ANKH: variants seen among roughly 807,000 people sequenced by gnomAD.
ANKH encodes the protein ANKH inorganic pyrophosphate transport regulator.
A neutral mutation model predicts 49.0 loss-of-function variants in ANKH; 15 were observed. The ratio of observed to expected loss-of-function variants is 0.31; its 90% CI spans 0.20 to 0.47. The LOEUF is 0.47. Ranked by LOEUF, ANKH falls within the 20% of genes least tolerant of loss-of-function variation. The probability of loss-of-function intolerance (pLI) is 1.00; values close to 1 mark genes in which losing one functional copy is unlikely to be tolerated. For missense variants in ANKH, 429 were observed against 652.0 expected, an observed-to-expected ratio of 0.66 and a Z score of 3.72; for synonymous variants, 273 against 260.0, an observed-to-expected ratio of 1.05 and a Z score of -0.48.
intron 1 of ANKH, among the ~76,000 whole-genome samples, chr5:14,847,439 T>C (rs959232289): frequency 6.6e-6 from 1 of 152,170 alleles, no homozygotes; most frequent in African/African-American, 2.4e-5. Flanking sequence ...GGAACCTGCA[T>C]GTTGCAGCAA....
At position 14,722,286 on chromosome 5, in the gene ANKH, G is replaced by A. The variant is rs545259071; in HGVS notation, c.1012-5451C>T. 3.3e-4 allele frequency among the ~76,000 whole-genome samples: 50 copies of A among 152,240 alleles called. 1 individual carries two copies. Among genetic ancestry groups the A allele is most frequent in the Admixed American group, 3.9e-4 (6 of 15,290 alleles). ...AATCTCCCACCAATGAACAAGAGTC[G>A]TTCCTCTGAGCAGCTGCAGAGGTGG... On this transcript the variant is annotated intron_variant, in intron 8 of 11. Coordinates refer to ENST00000284268, the MANE Select transcript of ANKH (RefSeq NM_054027.6).
intron 1 of ANKH, among the ~76,000 whole-genome samples, chr5:14,809,335 T>TAAAAAAAAAAAAAAAAAAAAAA (rs36119317): frequency 4.9e-5 from 4 of 80,858 alleles, no homozygotes; most frequent in Non-Finnish European, 7.1e-5. Flanking sequence ...TAGAGTATAA[T>TAAAAAAAAAAAAAAAAAAAAAA]AAAAAAAAAA....
intron 1 of ANKH, 21 bp downstream of exon 1, chr5:14,871,331 G>T (rs1385875632): frequency 4.4e-6 from 7 of 1,608,104 alleles, no homozygotes; most frequent in Non-Finnish European, 5.1e-6. Flanking sequence ...AGCGGGCGTG[G>T]GGCGCGGGGC....
chr5:14,707,371 T>C lies in ANKH; in HGVS notation c.*3826A>G, dbSNP rs1376930986. 1.3e-5 allele frequency: 2 copies of C among 151,990 alleles called. No homozygotes were observed. Among genetic ancestry groups the C allele is most frequent in the African/African-American group, 2.4e-5 (1 of 41,374 alleles). The allele number at this position is 151,990 out of a possible 1,614,324, so 9.4% of individuals were successfully genotyped here. On this transcript the variant is annotated 3_prime_UTR_variant, in exon 12 of 12. Transcript: ENST00000284268. Reference sequence around the variant, plus strand: ...GAAACCAAGGATATAGAAAAGTTACTCTCCCCCTGCCCCTTCCCTCCAGAA... The same window carrying C: ...GAAACCAAGGATATAGAAAAGTTACCCTCCCCCTGCCCCTTCCCTCCAGAA...
chr5:14,745,116 G>GC lies in ANKH; in HGVS notation c.915+753dup, dbSNP rs1302455178. Among the ~76,000 whole-genome samples the GC allele has an allele frequency of 1.3e-5, 2 of 152,218 alleles. No individual in the cohort carries two copies. ...TGCAGACATTCAAGGCACAACAGGT[G>GC]CCCTTCACGGTAAGAAGTAGCAGTC... On this transcript the variant is annotated intron_variant, in intron 7 of 11. Transcript: ENST00000284268. The surrounding 1 kb of genome is among the most constrained non-coding windows in gnomAD (Gnocchi z 4.7).
chr5:14,756,757 A>T (rs1049774472), intron 3 of ANKH, among the ~76,000 whole-genome samples: 1 of 151,980 alleles, frequency 6.6e-6, no homozygotes, highest in Non-Finnish European at 1.5e-5. Flanking sequence ...TTCTCTCTCC[A>T]ACCAATATAT....
At position 14,709,195 on chromosome 5, in the gene ANKH, GCTTT is replaced by G. The variant is rs1426465245; in HGVS notation, c.*1998_*2001del. ...AGGCATGAGCCACCATGCCCGGCCT[GCTTT>G]CTCAGTTTGGATCTTTAAGCTCCAA... On this transcript the variant is annotated 3_prime_UTR_variant, in exon 12 of 12. Transcript: ENST00000284268. 2 of 152,170 alleles carry G rather than the reference GCTTT, an allele frequency of 1.3e-5. No homozygotes were observed. The highest frequency in any genetic ancestry group is 2.9e-5 in the Non-Finnish European group (2 of 68,034). The allele number at this position is 152,170 out of a possible 1,614,324, so 9.4% of individuals were successfully genotyped here.
intron 9 of ANKH, among the ~76,000 whole-genome samples, chr5:14,715,289 G>A (rs535212685): frequency 4.6e-5 from 7 of 152,282 alleles, no homozygotes; most frequent in African/African-American, 1.2e-4. Context: ...GCGCCACCAC[G>A]CCTGGCTAAT....
chr5:14,816,242 G>A (rs919415411), intron 1 of ANKH, among the ~76,000 whole-genome samples: 2 of 152,218 alleles, frequency 1.3e-5, no homozygotes, highest in South Asian at 2.1e-4. Flanking sequence ...GGACACCTGA[G>A]CATCACCTTC....
chr5:14,838,362 G>T (rs1370899810), intron 1 of ANKH, among the ~76,000 whole-genome samples: 2 of 151,366 alleles, frequency 1.3e-5, no homozygotes, highest in Admixed American at 6.6e-5. Context: ...TTGTGCACAT[G>T]TACCCTAAAA....
At chr5:14,755,204 T>C (rs992300924) in intron 4 of ANKH, among the ~76,000 whole-genome samples, 4 of 152,182 alleles carry the variant, frequency 2.6e-5, no homozygotes, top group Admixed American at 2.6e-4. Context: ...ATTCAATCTA[T>C]TTTTCCACTA....
At chr5:14,844,782 A>C (rs1262204021) in intron 1 of ANKH, among the ~76,000 whole-genome samples, 1 of 152,056 alleles carries the variant, frequency 6.6e-6, no homozygotes, top group Non-Finnish European at 1.5e-5. Context: ...GTTTGTTTTG[A>C]GTTTGAGAGT....
chr5:14,797,654 A>T, intron 1 of ANKH: 1 of 1,600,442 alleles, frequency 6.2e-7, no homozygotes, highest in Non-Finnish European at 8.6e-7. Context: ...TCAGTTTCTG[A>T]TCATCAGCAA....
At chr5:14,752,089 T>C (rs918707454) in intron 4 of ANKH, among the ~76,000 whole-genome samples, 1 of 152,168 alleles carries the variant, frequency 6.6e-6, no homozygotes, top group African/African-American at 2.4e-5. Flanking sequence ...TGGAGGACTG[T>C]TGGAGACCAG....
chr5:14,737,151 G>C lies in ANKH; in HGVS notation c.1011+4676C>G, dbSNP rs897582101. Among the ~76,000 whole-genome samples the C allele has an allele frequency of 6.6e-6, 1 of 152,202 alleles. No individual in the cohort carries two copies. Among genetic ancestry groups the C allele is most frequent in the Non-Finnish European group, 1.5e-5 (1 of 68,040 alleles). On this transcript the variant is annotated intron_variant, in intron 8 of 11. Transcript: ENST00000284268. This position sits in a 1 kb window ranked among gnomAD's most constrained non-coding sequence, Gnocchi z 5.0. ...TAAATTGGCAAATTTGGTAAACTTA[G>C]CAGCCCGATGGGCTGGCTTTCACCA...
At chr5:14,789,452 T>C (rs1051169804) in intron 1 of ANKH, among the ~76,000 whole-genome samples, 1 of 131,706 alleles carries the variant, frequency 7.6e-6, no homozygotes, top group African/African-American at 2.8e-5. Flanking sequence ...AGAATGGTGG[T>C]GATAAAAAAA....
intron 1 of ANKH, among the ~76,000 whole-genome samples, chr5:14,830,225 T>A (rs1444028237): frequency 6.6e-6 from 1 of 152,210 alleles, no homozygotes; most frequent in Non-Finnish European, 1.5e-5. Context: ...AGGCTGCCTT[T>A]CAAAATCATC....
At chr5:14,754,338 T>G (rs911665177) in intron 4 of ANKH, among the ~76,000 whole-genome samples, 3 of 152,014 alleles carry the variant, frequency 2.0e-5, no homozygotes, top group East Asian at 1.9e-4. Flanking sequence ...TAAGAGTTTT[T>G]TTTTTTTTTT....
chr5:14,857,104 T>C (rs1735293725), intron 1 of ANKH, among the ~76,000 whole-genome samples: 2 of 151,768 alleles, frequency 1.3e-5, no homozygotes, highest in Non-Finnish European at 2.9e-5. Flanking sequence ...TACGCCTATG[T>C]CTAAACACAT....
Sources: gnomAD v4.1 joint callset for allele counts (sites outside exome capture counted in the v4.1 genomes callset) on GRCh38, gnomAD v4.1.1 for gene constraint, Gnocchi (gnomAD v3.1) non-coding constraint, MANE v1.5 for transcripts, NCBI Gene and HGNC (gene_info 2026-07-23, HGNC 2026-07-21) for gene names.